The following ZNF334 variants were observed in gnomAD, a reference collection of about 807,000 sequenced individuals.
ZNF334 encodes the protein zinc finger protein 334.
ZNF334 carries 14 observed loss-of-function variants against 12.4 expected under a neutral mutation model. That is an observed-to-expected ratio of 1.13 (90% CI 0.74 to 1.76). The LOEUF is 1.76. ZNF334 is among the 40% of genes most tolerant of loss of function. The probability of loss-of-function intolerance (pLI) is 0.00; values close to 1 mark genes in which losing one functional copy is unlikely to be tolerated. For missense variants in ZNF334, 797 were observed against 804.5 expected (o/e 0.99, Z 0.11); for synonymous variants, 273 against 269.6 (o/e 1.01, Z -0.12).
chr20:46,504,175 T>C (rs1314343304), intron 4 of ZNF334, 39 bp downstream of exon 4: 1 of 1,402,352 alleles, frequency 7.1e-7, no homozygotes, highest in Admixed American at 2.0e-5. Flanking sequence ...GGAACTCTCA[T>C]TTCCATTGGT....
At chr20:46,510,887 A>G (rs1026366629) in intron 2 of ZNF334, among the ~76,000 whole-genome samples, 1 of 152,076 alleles carries the variant, frequency 6.6e-6, no homozygotes, top group Admixed American at 6.6e-5. Flanking sequence ...TCCATGTTGG[A>G]TATGAGGACT....
At chr20:46,479,942 C>T in the ZNF334 span, among the ~76,000 whole-genome samples, 1 of 152,204 alleles carries the variant, frequency 6.6e-6, no homozygotes, top group Non-Finnish European at 1.5e-5. Context: ...ATTTTTGAAT[C>T]CATCTATGAC....
chr20:46,471,319 T>C, the ZNF334 span, among the ~76,000 whole-genome samples: 2 of 152,232 alleles, frequency 1.3e-5, no homozygotes, highest in Non-Finnish European at 2.9e-5. Context: ...TTGTCTGCTA[T>C]CAATTCAAAA....
chr20:46,497,922 C>T (rs1434208073), downstream of ZNF334, among the ~76,000 whole-genome samples: 1 of 151,672 alleles, frequency 6.6e-6, no homozygotes, highest in Non-Finnish European at 1.5e-5. Context: ...ACATAGATTC[C>T]GACCTATCTC....
At chr20:46,496,601 AGGGT>A (rs1271078074), downstream of ZNF334, 1 of 152,152 alleles carries the variant, frequency 6.6e-6, no homozygotes, top group African/African-American at 2.4e-5. Context: ...GTTTCCAGTG[AGGGT>A]GGGTCACAGA....
At chr20:46,469,290 A>T in the ZNF334 span, among the ~76,000 whole-genome samples, 3 of 152,096 alleles carry the variant, frequency 2.0e-5, no homozygotes, top group Admixed American at 2.0e-4. Context: ...AGATGAGTTT[A>T]TTAGGACTTA....
the ZNF334 span, among the ~76,000 whole-genome samples, chr20:46,489,343 T>C: frequency 6.6e-6 from 1 of 152,156 alleles, no homozygotes; most frequent in Non-Finnish European, 1.5e-5. Flanking sequence ...CTATGTAATT[T>C]TGCTATAAAT....
chr20:46,489,011 G>GT, the ZNF334 span, among the ~76,000 whole-genome samples: 1 of 151,720 alleles, frequency 6.6e-6, no homozygotes, highest in African/African-American at 2.4e-5. Context: ...TTCTCTTCAT[G>GT]TTTCTTATTG....
intron 2 of ZNF334, chr20:46,506,107 C>G (rs995694934): frequency 2.7e-6 from 1 of 376,688 alleles, no homozygotes; most frequent in Non-Finnish European, 4.7e-6. Context: ...CTGATCTTTA[C>G]CATGCTGTGC....
Position 46,502,378 on chromosome 20 carries a change from A to G in ZNF334, c.961T>C (p.Tyr321His). 2 of 1,614,104 alleles carry G rather than the reference A, an allele frequency of 1.2e-6. No individual in the cohort carries two copies. Among genetic ancestry groups the G allele is most frequent in the Non-Finnish European group, 1.7e-6 (2 of 1,180,014 alleles). ...HQKIHGGEKS[Y>H]ECNECGKTFF... The stretch of plus-strand genomic sequence containing the variant: ...GTCTTTCCACATTCATTACACTCAT[A>G]GGATTTCTCCCCTCCATGAATTTTC... Residue 321 changes from tyrosine to histidine, a missense_variant, in exon 5 of 5, where the codon TAT (tyrosine) becomes CAT (histidine). Coordinates refer to ENST00000692313, the MANE Select transcript of ZNF334 (RefSeq NM_001353824.2).
downstream of ZNF334, chr20:46,499,607 T>C (rs1356727580): frequency 6.6e-6 from 1 of 152,194 alleles, no homozygotes; most frequent in East Asian, 1.9e-4. Context: ...AAGAGATAAA[T>C]TTAGACAAAT....
At position 46,504,213 on chromosome 20, in the gene ZNF334, C is replaced by G. The variant is rs773666476; in HGVS notation, c.241+1G>C. On this transcript the variant is annotated splice_donor_variant, in intron 4 of 4. Transcript: ENST00000692313. LOFTEE classifies it high-confidence loss of function. ...CACCTGCTCAGTTATCATTTACTTA[C>G]CTGGGTAGTTCTGATTTGAGAATTC... The G allele has an allele frequency of 6.2e-7, 1 of 1,604,078 alleles. No individual in the cohort carries two copies. Among genetic ancestry groups the G allele is most frequent in the Admixed American group, 1.7e-5 (1 of 58,950 alleles).
chr20:46,500,345 T>A lies in ZNF334; in HGVS notation c.*951A>T. ...TCCTACCTCATCATATATATCCATA[T>A]AATGTAATCCTAATCAGCATCCCAG... is the stretch of plus-strand genomic sequence containing the variant. On this transcript the variant is annotated 3_prime_UTR_variant, in exon 5 of 5. Transcript: ENST00000692313. 6.6e-6 allele frequency: 1 copy of A among 152,316 alleles called. No individual in the cohort carries two copies. The highest frequency in any genetic ancestry group is 2.4e-5 in the African/African-American group (1 of 41,582). The allele number at this position is 152,316 out of a possible 1,614,324, so 9.4% of individuals were successfully genotyped here.
downstream of ZNF334, among the ~76,000 whole-genome samples, chr20:46,497,745 T>C (rs563382496): frequency 1.0e-3 from 153 of 152,290 alleles, no homozygotes; most frequent in Non-Finnish European, 2.0e-3. Context: ...TAACACCAAT[T>C]TATAAAACTC....
chr20:46,507,354 G>T (rs2061472428), intron 2 of ZNF334, among the ~76,000 whole-genome samples: 1 of 152,104 alleles, frequency 6.6e-6, no homozygotes, highest in Non-Finnish European at 1.5e-5. Context: ...GACCATCGTG[G>T]GTTGCAAGAG....
chr20:46,478,644 T>C, the ZNF334 span, among the ~76,000 whole-genome samples: 2 of 152,304 alleles, frequency 1.3e-5, no homozygotes, highest in Middle Eastern at 3.4e-3. Flanking sequence ...GTTTTTCAGG[T>C]TAACTTCGGA....
chr20:46,502,826 A>G lies in ZNF334; in HGVS notation c.513T>C (p.His171=). ...IPDGYSGFGK[H]EKSHLGMKKY... ...TTTTCATTCCCAAATGACTTTTCTC[A>G]TGCTTCCCAAATCCACTGTATCCAT... is the stretch of plus-strand genomic sequence containing the variant. The change falls in exon 5 of 5, where the codon CAT becomes CAC. Residue 171 remains histidine (H), a synonymous_variant. Transcript: ENST00000692313. 6.2e-7 allele frequency: 1 copy of G among 1,613,918 alleles called. No individual in the cohort carries two copies. The highest frequency in any genetic ancestry group is 8.5e-7 in the Non-Finnish European group (1 of 1,179,994).
rs1451666847 is a variant in ZNF334 at position 46,502,926 on chromosome 20, G to A, written c.413C>T (p.Pro138Leu). The A allele has an allele frequency of 3.1e-6, 5 of 1,613,686 alleles. No individual in the cohort carries two copies. The highest frequency in any genetic ancestry group is 4.2e-6 in the Non-Finnish European group (5 of 1,179,946). ...ATTAGTTTTCAAACTGTTTCCTCCT[G>A]GATTACATTTATAGGGCATTTTTCT... ...PSRKMPYKCN[P>L]GGNSLKTNSE... Residue 138 changes from proline (P) to leucine (L), a missense_variant, in exon 5 of 5, where the codon CCA becomes CTA. Physicochemically the swap from Pro to Leu is moderately conservative, Grantham distance 98. Coordinates refer to ENST00000692313, the MANE Select transcript of ZNF334 (RefSeq NM_001353824.2).
chr20:46,501,586 A>T lies in ZNF334; in HGVS notation c.1753T>A (p.Phe585Ile), dbSNP rs543701968. The part of the protein sequence containing the change: ...NECGKTFCQK[F>I]SFVEHQRTHT... ...GTTCGCTGATGTTCAACAAAGGAGA[A>T]CTTCTGACAGAAGGTTTTCCCACAT... Residue 585 changes from phenylalanine to isoleucine, a missense_variant, in exon 5 of 5, where the codon TTC becomes ATC. Transcript: ENST00000692313. 2 of 1,614,082 alleles carry T rather than the reference A, an allele frequency of 1.2e-6. No homozygotes were observed. The highest frequency in any genetic ancestry group is 2.7e-5 in the African/African-American group (2 of 75,008).
Sources: gnomAD v4.1 joint callset for allele counts (sites outside exome capture counted in the v4.1 genomes callset) on GRCh38, gnomAD v4.1.1 for gene constraint, MANE v1.5 for transcripts, NCBI Gene and HGNC (gene_info 2026-07-23, HGNC 2026-07-21) for gene names.